TPO: variants seen among roughly 807,000 people sequenced by gnomAD.
TPO encodes thyroid microsomal antigen.
TPO carries 78 observed loss-of-function variants against 96.9 expected under a neutral mutation model. That is an observed-to-expected ratio of 0.81 (90% CI 0.67 to 0.97). The LOEUF is 0.97. Among genes scored for constraint, TPO ranks in the 50% least tolerant of loss-of-function variants. The pLI is 0.00. For synonymous variants in TPO, 547 were observed against 538.0 expected (o/e 1.02, Z -0.23); for missense variants, 1,252 against 1,274.8 (o/e 0.98, Z 0.27).
Position 1,477,168 on chromosome 2 carries a change from A to G in TPO, c.902A>G (p.Gln301Arg). The G allele has an allele frequency of 6.2e-7, 1 of 1,610,050 alleles. No individual in the cohort carries two copies. Among genetic ancestry groups the G allele is most frequent in the Non-Finnish European group, 8.5e-7 (1 of 1,179,024 alleles). ...RSSAACGTGDQGALFGNLSTA... is the reference protein window; with the variant it reads ...RSSAACGTGDRGALFGNLSTA... Reference sequence around the variant, plus strand: ...TCGGCCGCCTGCGGCACCGGGGACCAAGGCGCGCTCTTTGGGAACCTGTCC... The same window carrying G: ...TCGGCCGCCTGCGGCACCGGGGACCGAGGCGCGCTCTTTGGGAACCTGTCC... The change falls in exon 8 of 17, where the codon CAA (glutamine) becomes CGA (arginine). Residue 301 changes from glutamine (Q) to arginine (R), a missense_variant. Coordinates refer to ENST00000329066, the MANE Select transcript of TPO (RefSeq NM_001206744.2).
chr2:1,536,788 C>A (rs1441219592), intron 15 of TPO, among the ~76,000 whole-genome samples: 2 of 129,130 alleles, frequency 1.5e-5, no homozygotes, highest in South Asian at 2.8e-4. Context: ...TCCCCAAATC[C>A]CCCGCAATCT....
In TPO at chr2:1,513,140, G is replaced by C. The variant is rs142632897; in HGVS notation, c.2519-3743G>C. Reference sequence around the variant, plus strand: ...CCCTGGATGCACCAGCTCTGTCACTGCTGGCTGGAACACCCAAAAGGGTGA... The same window carrying C: ...CCCTGGATGCACCAGCTCTGTCACTCCTGGCTGGAACACCCAAAAGGGTGA... On this transcript the variant is annotated intron_variant, in intron 14 of 16. Transcript: ENST00000329066. 3.5e-3 allele frequency among the ~76,000 whole-genome samples: 538 copies of C among 152,346 alleles called. 4 individuals are homozygous for C. The highest frequency in any genetic ancestry group is 5.2e-3 in the Non-Finnish European group (352 of 68,022).
At chr2:1,378,580 A>C (rs1359538258) in intron 1 of TPO, among the ~76,000 whole-genome samples, 2 of 152,182 alleles carry the variant, frequency 1.3e-5, no homozygotes, top group East Asian at 3.9e-4. Context: ...CAAATGTGGG[A>C]TCTCTCCAGG....
At chr2:1,450,829 A>G (rs1225157926) in intron 5 of TPO, among the ~76,000 whole-genome samples, 1 of 152,232 alleles carries the variant, frequency 6.6e-6, no homozygotes, top group East Asian at 1.9e-4. Context: ...GCCATACTTT[A>G]TGGAATTTCA....
chr2:1,543,414 G>A lies in TPO; in HGVS notation c.*940G>A, dbSNP rs961833555. 1.3e-5 allele frequency: 2 copies of A among 152,140 alleles called. No individual in the cohort carries two copies. The highest frequency in any genetic ancestry group is 6.5e-5 in the Admixed American group (1 of 15,286). The allele number at this position is 152,140 out of a possible 1,614,324, so 9.4% of individuals were successfully genotyped here. A position where few individuals can be genotyped will look rare whatever the true frequency, so the allele number is the denominator to read the frequency against. On this transcript the variant is annotated 3_prime_UTR_variant, in exon 17 of 17. Coordinates refer to ENST00000329066, the MANE Select transcript of TPO (RefSeq NM_001206744.2). ...TAATTCATGGATAAAACAGACCATCGAGGCAGCACTGAATGATCTCACCCA... is the reference window on the plus strand; with the variant it reads ...TAATTCATGGATAAAACAGACCATCAAGGCAGCACTGAATGATCTCACCCA...
At chr2:1,388,117 C>T (rs559871390) in intron 1 of TPO, among the ~76,000 whole-genome samples, 14 of 152,328 alleles carry the variant, frequency 9.2e-5, no homozygotes, top group African/African-American at 2.9e-4. Context: ...TCAGTCTGCC[C>T]CTACTCGGGG....
intron 7 of TPO, among the ~76,000 whole-genome samples, chr2:1,457,465 A>G (rs1156788640): frequency 3.9e-5 from 1 of 25,920 alleles, no homozygotes; most frequent in African/African-American, 9.4e-5. Flanking sequence ...GTACACATAT[A>G]TAGCATGTAT....
intron 1 of TPO, among the ~76,000 whole-genome samples, chr2:1,379,601 C>G (rs532625162): frequency 1.2e-4 from 18 of 152,252 alleles, no homozygotes; most frequent in Non-Finnish European, 2.1e-4. Context: ...TAATCTCGGG[C>G]CTTCTTGTAA....
chr2:1,539,621 C>T (rs1234704539), intron 15 of TPO, among the ~76,000 whole-genome samples: 2 of 152,098 alleles, frequency 1.3e-5, no homozygotes, highest in African/African-American at 2.4e-5. Flanking sequence ...AATGGCTATG[C>T]GGAGGGCGCT....
chr2:1,440,914 A>G (rs1666119968), intron 5 of TPO, among the ~76,000 whole-genome samples: 1 of 151,760 alleles, frequency 6.6e-6, no homozygotes, highest in South Asian at 2.1e-4. Flanking sequence ...GTTGGAAGGG[A>G]ACAGGGCAGG....
intron 14 of TPO, among the ~76,000 whole-genome samples, chr2:1,507,082 C>T (rs1573471862): frequency 6.6e-6 from 1 of 152,204 alleles, no homozygotes; most frequent in South Asian, 2.1e-4. Context: ...GGAAGGGATC[C>T]AGTTTCAGCT....
At chr2:1,525,302 AT>A (rs1243476460) in intron 15 of TPO, among the ~76,000 whole-genome samples, 3 of 93,376 alleles carry the variant, frequency 3.2e-5, no homozygotes, top group Non-Finnish European at 4.6e-5. Context: ...ACCTCCTCAA[AT>A]CCCCCCCACT....
intron 7 of TPO, among the ~76,000 whole-genome samples, chr2:1,476,865 G>A (rs1280853121): frequency 1.3e-5 from 2 of 150,890 alleles, no homozygotes; most frequent in South Asian, 2.1e-4. Context: ...GGGAGGTGGG[G>A]GGCTGGCTGG....
At chr2:1,461,852 C>T (rs79455130) in intron 7 of TPO, among the ~76,000 whole-genome samples, 2,582 of 152,144 alleles carry the variant, frequency 0.017, 68 homozygotes, top group East Asian at 0.12. Context: ...GTGTATTGGA[C>T]GAGGGCAGGG....
chr2:1,461,613 T>A (rs1355944897), intron 7 of TPO, among the ~76,000 whole-genome samples: 1 of 152,136 alleles, frequency 6.6e-6, no homozygotes, highest in African/African-American at 2.4e-5. Context: ...CCCACAGGCA[T>A]GCACACACTC....
chr2:1,442,179 C>T (rs1666263612), intron 5 of TPO, among the ~76,000 whole-genome samples: 1 of 152,170 alleles, frequency 6.6e-6, no homozygotes, highest in African/African-American at 2.4e-5. Flanking sequence ...TTCTCAGACT[C>T]AGGTATGTCT....
chr2:1,422,131 G>A (rs1023445671), intron 2 of TPO, among the ~76,000 whole-genome samples: 2 of 152,240 alleles, frequency 1.3e-5, no homozygotes, highest in Non-Finnish European at 2.9e-5. Context: ...GATCCAGCAC[G>A]GAGGTTTTCT....
At chr2:1,542,317 G>C in intron 16 of TPO, 104 bp from the exon 17 acceptor site, 1 of 1,491,716 alleles carries the variant, frequency 6.7e-7, no homozygotes, top group South Asian at 1.2e-5. Flanking sequence ...GGTCCTTTGT[G>C]AAAAGAGCTC....
chr2:1,470,779 T>C (rs923794317), intron 7 of TPO, among the ~76,000 whole-genome samples: 8 of 152,186 alleles, frequency 5.3e-5, no homozygotes, highest in Admixed American at 2.6e-4. Context: ...GTTAGAAATT[T>C]GAAAATCTTA....
Sources: allele counts gnomAD v4.1 joint callset (sites outside exome capture counted in the v4.1 genomes callset), GRCh38; gene constraint gnomAD v4.1.1; transcripts MANE v1.5; gene names NCBI Gene and HGNC (gene_info 2026-07-23, HGNC 2026-07-21).